SKOR2: variants seen among roughly 807,000 people sequenced by gnomAD.
The protein encoded by SKOR2 is LBX1 corepressor 1-like protein.
Under a neutral mutation model 69.1 loss-of-function variants are expected in SKOR2, and 47 were observed. The ratio of observed to expected loss-of-function variants is 0.68; its 90% CI spans 0.54 to 0.87. The LOEUF (loss-of-function observed/expected upper bound fraction) is 0.87, where lower values mean the gene tolerates loss of function less well. SKOR2 is among the 40% of genes least tolerant of loss of function. The pLI, the probability that SKOR2 is intolerant of heterozygous loss-of-function variation, is 0.00. For missense variants in SKOR2, 1,404 were observed against 1,472.2 expected (o/e 0.95, Z 0.76); for synonymous variants, 717 against 672.6 (o/e 1.07, Z -1.02).
chr18:47,241,750 CTTCCATG>C (rs1274408730), intron 4 of SKOR2, among the ~76,000 whole-genome samples: 1 of 152,112 alleles, frequency 6.6e-6, no homozygotes, highest in East Asian at 1.9e-4. Context: ...ATTTTTATCC[CTTCCATG>C]TTTCACCTGT....
At chr18:47,245,411 G>C (rs2064267372) in intron 3 of SKOR2, 87 bp downstream of exon 3, 7 of 1,195,636 alleles carry the variant, frequency 5.9e-6, no homozygotes, top group African/African-American at 1.6e-5. Context: ...GTGGTAGTGG[G>C]TAGGTGAGGA....
At chr18:47,224,694 A>T (rs997370334) in intron 6 of SKOR2, among the ~76,000 whole-genome samples, 1 of 151,742 alleles carries the variant, frequency 6.6e-6, no homozygotes, top group African/African-American at 2.4e-5. Flanking sequence ...AGCTCACTGC[A>T]GCCTTGACCT....
At chr18:47,222,071 A>T (rs2064163240) in intron 6 of SKOR2, among the ~76,000 whole-genome samples, 1 of 152,182 alleles carries the variant, frequency 6.6e-6, no homozygotes, top group Non-Finnish European at 1.5e-5. Flanking sequence ...CAATAATCCC[A>T]GCCCTTTGGG....
intron 4 of SKOR2, among the ~76,000 whole-genome samples, chr18:47,242,795 T>G (rs939664119): frequency 1.3e-5 from 2 of 152,076 alleles, no homozygotes; most frequent in Non-Finnish European, 1.5e-5. Flanking sequence ...AATCTCCAAA[T>G]GTAGGAAGTC....
At chr18:47,236,642 A>G (rs1048056758) in intron 4 of SKOR2, among the ~76,000 whole-genome samples, 9 of 152,204 alleles carry the variant, frequency 5.9e-5, no homozygotes, top group Non-Finnish European at 1.0e-4. Flanking sequence ...GGACACAGCA[A>G]GAAAATGGCC....
intron 7 of SKOR2, among the ~76,000 whole-genome samples, chr18:47,213,690 G>T (rs565412461): frequency 1.3e-5 from 2 of 151,874 alleles, no homozygotes; most frequent in African/African-American, 4.8e-5. Flanking sequence ...TCTGATAAAG[G>T]GCATAGATAG....
At position 47,249,106 on chromosome 18, in the gene SKOR2, C is replaced by G. The variant is rs1364606079; in HGVS notation, c.78G>C (p.Leu26=). Residue 26 remains leucine (L), a synonymous_variant, in exon 2 of 9, where the codon CTG becomes CTC. Transcript: ENST00000425639. ...SPSSAFQPDT[L]SQPRPGHANL... ...TGGCGTGCCCTGGCCGCGGCTGGCT[C>G]AGCGTGTCGGGCTGGAAGGCGCTCG... is the stretch of plus-strand genomic sequence containing the variant. 6.5e-7 allele frequency: 1 copy of G among 1,536,176 alleles called. No homozygotes were observed. Among genetic ancestry groups the G allele is most frequent in the African/African-American group, 1.4e-5 (1 of 73,170 alleles).
At chr18:47,250,134 T>A (rs1382736318) in intron 1 of SKOR2, among the ~76,000 whole-genome samples, 2 of 152,292 alleles carry the variant, frequency 1.3e-5, no homozygotes, top group East Asian at 3.9e-4. Context: ...AAAGGCAAAT[T>A]TTTTAGCTTG....
At chr18:47,218,518 A>G (rs1203735813) in intron 7 of SKOR2, among the ~76,000 whole-genome samples, 1 of 141,046 alleles carries the variant, frequency 7.1e-6, no homozygotes, top group Non-Finnish European at 1.5e-5. Context: ...TGAGCCCAGG[A>G]GTTGGAGGCT....
At chr18:47,229,619 A>G (rs2064190216) in intron 6 of SKOR2, among the ~76,000 whole-genome samples, 1 of 152,020 alleles carries the variant, frequency 6.6e-6, no homozygotes, top group East Asian at 1.9e-4. Flanking sequence ...GTGCCACTGC[A>G]CTCCAGCCTG....
chr18:47,245,478 A>AGTTTTTTTT lies in SKOR2; in HGVS notation c.2677+19_2677+20insAAAAAAAAC. 1 of 1,194,644 alleles carries AGTTTTTTTT rather than the reference A, an allele frequency of 8.4e-7. No individual in the cohort carries two copies. The highest frequency in any genetic ancestry group is 1.1e-6 in the Non-Finnish European group (1 of 933,368). The allele number at this position is 1,194,644 out of a possible 1,614,324, so 74.0% of individuals were successfully genotyped here. A position where few individuals can be genotyped will look rare whatever the true frequency, so the allele number is the denominator to read the frequency against. ...ATGCAGGCAAGAAAAGTGGCAGCTG[A>AGTTTTTTTT]TTTTTTTTTTTTTTTTTACCTGAAA... On this transcript the variant is annotated intron_variant, in intron 3 of 8. Coordinates refer to ENST00000425639, the MANE Select transcript of SKOR2 (RefSeq NM_001278063.4).
chr18:47,216,103 G>A (rs2064143182), intron 7 of SKOR2, among the ~76,000 whole-genome samples: 2 of 152,266 alleles, frequency 1.3e-5, no homozygotes, highest in South Asian at 2.1e-4. Flanking sequence ...TCAGCCTAAG[G>A]ACTGTTAAGT....
At chr18:47,217,147 T>C (rs2064146472) in intron 7 of SKOR2, among the ~76,000 whole-genome samples, 1 of 152,202 alleles carries the variant, frequency 6.6e-6, no homozygotes, top group South Asian at 2.1e-4. Context: ...CACAAAAATA[T>C]ATCTAGCCGG....
At chr18:47,212,220 C>G in intron 7 of SKOR2, 69 bp from the exon 8 acceptor site, 4 of 1,201,216 alleles carry the variant, frequency 3.3e-6, no homozygotes, top group Non-Finnish European at 4.2e-6. Context: ...AATGGAGACC[C>G]TTCATCATGC....
chr18:47,250,878 C>T (rs941002358), intron 1 of SKOR2, among the ~76,000 whole-genome samples: 1 of 152,122 alleles, frequency 6.6e-6, no homozygotes, highest in Admixed American at 6.5e-5. Flanking sequence ...GGTGGCCCTT[C>T]GATGCTCATT....
At chr18:47,244,313 A>G (rs1299609652) in intron 4 of SKOR2, among the ~76,000 whole-genome samples, 2 of 152,208 alleles carry the variant, frequency 1.3e-5, no homozygotes, top group Non-Finnish European at 1.5e-5. Context: ...GGCAGTTTGC[A>G]TTACATAAAT....
At chr18:47,212,461 A>T (rs1306372649) in intron 7 of SKOR2, among the ~76,000 whole-genome samples, 1 of 152,226 alleles carries the variant, frequency 6.6e-6, no homozygotes, top group Non-Finnish European at 1.5e-5. Context: ...TATCATATTT[A>T]TTTAGGTACA....
intron 5 of SKOR2, 38 bp from the exon 6 acceptor site, chr18:47,230,595 C>T (rs2064193978): frequency 8.1e-7 from 1 of 1,236,314 alleles, no homozygotes; most frequent in Non-Finnish European, 1.1e-6. Context: ...CTAATCTTTA[C>T]AAATAACTCT....
intron 6 of SKOR2, among the ~76,000 whole-genome samples, chr18:47,223,128 A>C (rs1252951273): frequency 6.6e-6 from 1 of 152,236 alleles, no homozygotes; most frequent in African/African-American, 2.4e-5. Context: ...TAATTGATAC[A>C]AACCAAAAAA....
Sources: allele counts gnomAD v4.1 joint callset (sites outside exome capture counted in the v4.1 genomes callset), GRCh38; gene constraint gnomAD v4.1.1; transcripts MANE v1.5; gene names NCBI Gene and HGNC (gene_info 2026-07-23, HGNC 2026-07-21).